The following PDZRN3 variants were observed in gnomAD, a reference collection of about 807,000 sequenced individuals.
The protein encoded by PDZRN3 is E3 ubiquitin-protein ligase PDZRN3.
In PDZRN3, 38 loss-of-function variants were observed where a neutral mutation model predicts 85.7. That is an observed-to-expected ratio of 0.44 (90% confidence interval 0.34 to 0.58). The LOEUF (loss-of-function observed/expected upper bound fraction) is 0.58, where lower values mean the gene tolerates loss of function less well. Ranked by LOEUF, PDZRN3 falls within the 20% of genes least tolerant of loss-of-function variation. The pLI is 0.01. For missense variants in PDZRN3, 1,629 were observed against 1,506.4 expected, an observed-to-expected ratio of 1.08 and a Z score of -1.35; for synonymous variants, 759 against 638.0, an observed-to-expected ratio of 1.19 and a Z score of -2.86.
intron 3 of PDZRN3, among the ~76,000 whole-genome samples, chr3:73,407,525 C>T (rs754590): frequency 6.6e-6 from 1 of 152,056 alleles, no homozygotes; most frequent in African/African-American, 2.4e-5. Context: ...GTAAATATCA[C>T]ATAGATATAT....
At chr3:73,476,011 C>T (rs1703441271) in intron 3 of PDZRN3, among the ~76,000 whole-genome samples, 1 of 152,178 alleles carries the variant, frequency 6.6e-6, no homozygotes, top group Admixed American at 6.5e-5. Flanking sequence ...AGCTCAGCTT[C>T]CCACCTTCAT....
At chr3:73,494,344 C>A (rs1395053058) in intron 3 of PDZRN3, among the ~76,000 whole-genome samples, 2 of 152,170 alleles carry the variant, frequency 1.3e-5, no homozygotes, top group Non-Finnish European at 2.9e-5. Context: ...TAATTTTGGT[C>A]CATGTCCAAA....
intron 3 of PDZRN3, among the ~76,000 whole-genome samples, chr3:73,470,167 T>C (rs1703307521): frequency 2.0e-5 from 3 of 151,890 alleles, no homozygotes; most frequent in Admixed American, 1.3e-4. Flanking sequence ...AAAAAAAAAA[T>C]TAAAATATTG....
At chr3:73,516,244 C>A (rs939612952) in intron 3 of PDZRN3, among the ~76,000 whole-genome samples, 3 of 152,114 alleles carry the variant, frequency 2.0e-5, no homozygotes, top group Non-Finnish European at 4.4e-5. Flanking sequence ...TGATTACATC[C>A]ACAGTATAGA....
At chr3:73,565,786 AACACACACAC>A (rs61564723) in intron 3 of PDZRN3, among the ~76,000 whole-genome samples, 441 of 37,962 alleles carry the variant, frequency 0.012, 3 homozygotes, top group African/African-American at 0.02. Flanking sequence ...AAAAATACAA[AACACACACAC>A]ACACACACAC....
chr3:73,553,765 C>T (rs573836881), intron 3 of PDZRN3, among the ~76,000 whole-genome samples: 1 of 152,152 alleles, frequency 6.6e-6, no homozygotes, highest in South Asian at 2.1e-4. Flanking sequence ...GAGGAGTAGG[C>T]CAAGGTGACA....
chr3:73,609,462 A>G (rs2106906278), intron 1 of PDZRN3, among the ~76,000 whole-genome samples: 1 of 152,312 alleles, frequency 6.6e-6, no homozygotes, highest in Non-Finnish European at 1.5e-5. Flanking sequence ...GACAGATAAA[A>G]ATAGATTTAA....
intron 5 of PDZRN3, 52 bp from the exon 6 acceptor site, chr3:73,391,168 A>C: frequency 6.5e-6 from 7 of 1,070,544 alleles, no homozygotes; most frequent in Non-Finnish European, 8.7e-6. Context: ...ATGCGAGTTG[A>C]GGGGATGTCA....
chr3:73,396,928 T>C (rs1337534950), intron 5 of PDZRN3, among the ~76,000 whole-genome samples: 3 of 152,152 alleles, frequency 2.0e-5, no homozygotes, highest in African/African-American at 7.2e-5. Flanking sequence ...CCTTTAACTC[T>C]AAGCAGTCTC....
intron 1 of PDZRN3, among the ~76,000 whole-genome samples, chr3:73,618,418 G>C (rs1304724333): frequency 6.6e-6 from 1 of 151,986 alleles, no homozygotes; most frequent in Non-Finnish European, 1.5e-5. Context: ...GGCCACACTG[G>C]GTTCAAATCC....
intron 3 of PDZRN3, among the ~76,000 whole-genome samples, chr3:73,431,590 T>G (rs1350837617): frequency 6.6e-6 from 1 of 152,244 alleles, no homozygotes; most frequent in African/African-American, 2.4e-5. Context: ...AATTCCTTTA[T>G]GCTACGGTTC....
chr3:73,453,987 GT>G (rs1702927615), intron 3 of PDZRN3, among the ~76,000 whole-genome samples: 2 of 152,292 alleles, frequency 1.3e-5, no homozygotes, highest in Non-Finnish European at 2.9e-5. Flanking sequence ...GGCCTACACT[GT>G]TTAAAGTATA....
At chr3:73,425,231 G>A (rs1022239249) in intron 3 of PDZRN3, among the ~76,000 whole-genome samples, 1 of 151,686 alleles carries the variant, frequency 6.6e-6, no homozygotes, top group Non-Finnish European at 1.5e-5. Flanking sequence ...ATTTATCCAC[G>A]ATGGTCTTGA....
chr3:73,453,591 T>A (rs1025093797), intron 3 of PDZRN3, among the ~76,000 whole-genome samples: 1 of 151,534 alleles, frequency 6.6e-6, no homozygotes, highest in Non-Finnish European at 1.5e-5. Context: ...ATTTTCTTCA[T>A]GCTTTAAGTA....
chr3:73,541,660 T>C (rs949699627), intron 3 of PDZRN3, among the ~76,000 whole-genome samples: 6 of 152,220 alleles, frequency 3.9e-5, no homozygotes, highest in Non-Finnish European at 5.9e-5. Context: ...TGGACTTCTA[T>C]AGCAATTTTT....
chr3:73,479,885 G>A (rs1025845189), intron 3 of PDZRN3, among the ~76,000 whole-genome samples: 6 of 152,152 alleles, frequency 3.9e-5, no homozygotes, highest in African/African-American at 9.7e-5. Context: ...TGCGGGGGGC[G>A]GGGGTAGATG....
intron 3 of PDZRN3, among the ~76,000 whole-genome samples, chr3:73,498,871 T>C (rs1234974507): frequency 1.3e-5 from 2 of 152,084 alleles, no homozygotes; most frequent in Non-Finnish European, 2.9e-5. Flanking sequence ...GTGTGAGTCA[T>C]CGTGCCTGGC....
chr3:73,403,786 C>G (rs1219164081), intron 4 of PDZRN3, among the ~76,000 whole-genome samples: 1 of 152,168 alleles, frequency 6.6e-6, no homozygotes, highest in Non-Finnish European at 1.5e-5. Context: ...ACACACACAA[C>G]TTACTTTTTT....
chr3:73,512,832 G>C (rs1704192262), intron 3 of PDZRN3, among the ~76,000 whole-genome samples: 1 of 152,086 alleles, frequency 6.6e-6, no homozygotes, highest in Non-Finnish European at 1.5e-5. Flanking sequence ...TTTTTAAAAA[G>C]ACACTAAAAT....
Sources: allele counts gnomAD v4.1 joint callset (sites outside exome capture counted in the v4.1 genomes callset), GRCh38; gene constraint gnomAD v4.1.1; transcripts MANE v1.5; gene names NCBI Gene and HGNC (gene_info 2026-07-23, HGNC 2026-07-21).